The following ARHGAP25 variants were observed in gnomAD, a reference collection of about 807,000 sequenced individuals.
The protein encoded by ARHGAP25 is rho GTPase-activating protein 25.
In ARHGAP25, 34 loss-of-function variants were observed where a neutral mutation model predicts 71.0. The ratio of observed to expected loss-of-function variants is 0.48; its 90% CI spans 0.36 to 0.64. The LOEUF is 0.64. Among genes scored for constraint, ARHGAP25 ranks in the 30% least tolerant of loss-of-function variants. The pLI is 0.00. For missense variants in ARHGAP25, 706 were observed against 805.1 expected, an observed-to-expected ratio of 0.88 and a Z score of 1.49; for synonymous variants, 282 against 296.5, an observed-to-expected ratio of 0.95 and a Z score of 0.50.
At chr2:68,774,036 G>T (rs577627286) in intron 1 of ARHGAP25, among the ~76,000 whole-genome samples, 47 of 152,316 alleles carry the variant, frequency 3.1e-4, no homozygotes, top group African/African-American at 1.0e-3. Flanking sequence ...AAATGAAATG[G>T]GTCGGGAGCA....
chr2:68,785,227 T>C (rs996829928), intron 3 of ARHGAP25, among the ~76,000 whole-genome samples: 2 of 152,198 alleles, frequency 1.3e-5, no homozygotes, highest in Non-Finnish European at 2.9e-5. Context: ...CTGGAAAGTT[T>C]TGAGCAGAGG....
chr2:68,768,257 C>T (rs12232891), intron 1 of ARHGAP25, among the ~76,000 whole-genome samples: 12,313 of 152,182 alleles, frequency 0.081, 611 homozygotes, highest in East Asian at 0.25. Context: ...GTGGTAAGTA[C>T]TCAATACATA....
intron 4 of ARHGAP25, among the ~76,000 whole-genome samples, chr2:68,798,083 T>G (rs1353058172): frequency 6.6e-6 from 1 of 152,262 alleles, no homozygotes; most frequent in African/African-American, 2.4e-5. Context: ...CTGGAAATGC[T>G]TGTAGTCAGC....
chr2:68,775,115 C>A, intron 1 of ARHGAP25, 106 bp from the exon 2 acceptor site: 1 of 1,594,992 alleles, frequency 6.3e-7, no homozygotes, highest in Non-Finnish European at 8.6e-7. Context: ...TGGTTGTCGT[C>A]CCCCCGCTTC....
chr2:68,733,051 G>A (rs1332826539), upstream of ARHGAP25, among the ~76,000 whole-genome samples: 1 of 152,234 alleles, frequency 6.6e-6, no homozygotes, highest in Non-Finnish European at 1.5e-5. Context: ...CAAGGTGTGA[G>A]TGTGGATGGA....
At chr2:68,807,503 C>G in intron 5 of ARHGAP25, 23 bp downstream of exon 5, 2 of 1,604,902 alleles carry the variant, frequency 1.2e-6, no homozygotes, top group Non-Finnish European at 8.5e-7. Flanking sequence ...ACTGCAGTGT[C>G]CCACCTCTGC....
At chr2:68,762,252 C>CA (rs1208399235) in intron 1 of ARHGAP25, among the ~76,000 whole-genome samples, 2 of 152,166 alleles carry the variant, frequency 1.3e-5, no homozygotes, top group East Asian at 3.9e-4. Flanking sequence ...GAAGTTAACT[C>CA]TGTAATGGGT....
chr2:68,809,007 C>A (rs934286041), intron 5 of ARHGAP25, among the ~76,000 whole-genome samples: 1 of 152,102 alleles, frequency 6.6e-6, no homozygotes, highest in Non-Finnish European at 1.5e-5. Context: ...GAAAGGTCAT[C>A]GGGGGCTTTT....
intron 4 of ARHGAP25, among the ~76,000 whole-genome samples, chr2:68,802,916 T>C (rs1434324306): frequency 2.1e-5 from 3 of 143,394 alleles, no homozygotes; most frequent in Non-Finnish European, 4.8e-5. Context: ...TATCCATATA[T>C]ACACATATAT....
At chr2:68,743,904 G>A (rs1297448348) in intron 1 of ARHGAP25, among the ~76,000 whole-genome samples, 1 of 152,118 alleles carries the variant, frequency 6.6e-6, no homozygotes, top group Non-Finnish European at 1.5e-5. Context: ...AATTGTGTTA[G>A]GTGCTTTGTA....
chr2:68,817,753 C>T (rs1291087777), intron 7 of ARHGAP25, 120 bp from the exon 8 acceptor site: 2 of 1,272,656 alleles, frequency 1.6e-6, no homozygotes, highest in African/African-American at 1.5e-5. Flanking sequence ...GCAGGCTGGT[C>T]TCATTCCTGA....
intron 2 of ARHGAP25, among the ~76,000 whole-genome samples, chr2:68,713,019 A>C (rs1273817640): frequency 2.0e-5 from 3 of 152,150 alleles, no homozygotes; most frequent in African/African-American, 7.2e-5. Context: ...TATGAAATTC[A>C]AAGTAGTTTT....
intron 2 of ARHGAP25, among the ~76,000 whole-genome samples, chr2:68,779,643 C>T (rs954308207): frequency 6.6e-6 from 1 of 152,172 alleles, no homozygotes; most frequent in Non-Finnish European, 1.5e-5. Context: ...ACCTCACTGC[C>T]ACAGCTGTCT....
intron 7 of ARHGAP25, among the ~76,000 whole-genome samples, chr2:68,817,353 A>C (rs980024582): frequency 6.6e-6 from 1 of 152,186 alleles, no homozygotes; most frequent in Non-Finnish European, 1.5e-5. Flanking sequence ...AAGGGGTAGA[A>C]TTTTAACAAA....
chr2:68,816,322 C>G lies in ARHGAP25; in HGVS notation c.841C>G (p.Leu281Val). The G allele has an allele frequency of 6.2e-7, 1 of 1,613,940 alleles. No individual in the cohort carries two copies. Among genetic ancestry groups the G allele is most frequent in the Non-Finnish European group, 8.5e-7 (1 of 1,179,868 alleles). Reference sequence around the variant, plus strand: ...GGAGTTGATGAAGCAGCTCTCCATCCTTCCTCGTGACAACTATAGTCTCCT... The same window carrying G: ...GGAGTTGATGAAGCAGCTCTCCATCGTTCCTCGTGACAACTATAGTCTCCT... ...QQELMKQLSILPRDNYSLLSY... is the reference protein window; with the variant it reads ...QQELMKQLSIVPRDNYSLLSY... Residue 281 changes from leucine (L) to valine (V), a missense_variant, in exon 7 of 11, where the codon CTT becomes GTT. Coordinates refer to ENST00000409202, the MANE Select transcript of ARHGAP25 (RefSeq NM_001007231.3).
At chr2:68,726,952 G>A (rs986805368) in intron 2 of ARHGAP25, among the ~76,000 whole-genome samples, 3 of 151,794 alleles carry the variant, frequency 2.0e-5, no homozygotes, top group African/African-American at 7.3e-5. Context: ...ATATACCCAA[G>A]GGAATGGGAA....
rs141502239 is a variant in ARHGAP25 at position 68,736,852 on chromosome 2, C to G, written c.61+1592C>G. On this transcript the variant is annotated intron_variant, in intron 1 of 10. Transcript: ENST00000409202. ...GATCCTGCATTTTGACAAGCACCCC[C>G]CACTTTCATCCTCACCTGAGGAAGA... 9.1e-3 allele frequency among the ~76,000 whole-genome samples: 1,390 copies of G among 152,164 alleles called. 27 individuals are homozygous for G. Among genetic ancestry groups the G allele is most frequent in the African/African-American group, 0.03 (1,253 of 41,482 alleles).
chr2:68,789,611 T>G (rs923340794), intron 4 of ARHGAP25, among the ~76,000 whole-genome samples: 1 of 152,190 alleles, frequency 6.6e-6, no homozygotes, highest in Non-Finnish European at 1.5e-5. Flanking sequence ...CCATCCTTAT[T>G]GCGCTGGATT....
intron 1 of ARHGAP25, among the ~76,000 whole-genome samples, chr2:68,760,022 G>A (rs530787878): frequency 6.6e-6 from 1 of 152,046 alleles, no homozygotes; most frequent in Admixed American, 6.6e-5. Flanking sequence ...GAAATGCAAG[G>A]GTGATTCAAC....
Sources: allele counts gnomAD v4.1 joint callset (sites outside exome capture counted in the v4.1 genomes callset), GRCh38; gene constraint gnomAD v4.1.1; transcripts MANE v1.5; gene names NCBI Gene and HGNC (gene_info 2026-07-23, HGNC 2026-07-21).